Variants in CEP112 observed in about 807,000 individuals in gnomAD.
The protein encoded by CEP112 is centrosomal protein of 112 kDa.
A neutral mutation model predicts 153.0 loss-of-function variants in CEP112; 127 were observed. The observed-to-expected ratio is 0.83, with a 90% CI of 0.72 to 0.96. The LOEUF (loss-of-function observed/expected upper bound fraction) is 0.96. Ranked by LOEUF, CEP112 falls within the 40% of genes least tolerant of loss-of-function variation. The pLI, the probability that CEP112 is intolerant of heterozygous loss-of-function variation, is 0.00. For synonymous variants in CEP112, 358 were observed against 374.4 expected (o/e 0.96, Z 0.51); for missense variants, 1,089 against 1,101.2 (o/e 0.99, Z 0.16).
intron 21 of CEP112, among the ~76,000 whole-genome samples, chr17:65,830,534 C>T (rs940229485): frequency 9.2e-5 from 14 of 152,252 alleles, no homozygotes; most frequent in African/African-American, 2.6e-4. Context: ...GACAAACAGC[C>T]GGCACTGATT....
At chr17:65,995,967 G>C (rs550963069) in intron 17 of CEP112, among the ~76,000 whole-genome samples, 1 of 152,124 alleles carries the variant, frequency 6.6e-6, no homozygotes, top group Non-Finnish European at 1.5e-5. Context: ...GGCCTCCCCA[G>C]CCACATGGAA....
chr17:65,644,422 T>C, intron 24 of CEP112: 2 of 501,928 alleles, frequency 4.0e-6, no homozygotes, highest in South Asian at 1.8e-5. Flanking sequence ...CCTCAAGGCT[T>C]AGCTCGGTTG....
At chr17:66,169,512 C>G (rs1008072125) in intron 4 of CEP112, among the ~76,000 whole-genome samples, 15 of 152,142 alleles carry the variant, frequency 9.9e-5, no homozygotes, top group Admixed American at 9.8e-4. Flanking sequence ...TATCGAACTC[C>G]TGACCTTGTG....
intron 8 of CEP112, among the ~76,000 whole-genome samples, chr17:66,091,311 A>G (rs1172672815): frequency 6.6e-6 from 1 of 152,182 alleles, no homozygotes; most frequent in African/African-American, 2.4e-5. Flanking sequence ...AAATCTTCAC[A>G]AATTTAAGAA....
chr17:65,810,572 A>T (rs1015859499), intron 21 of CEP112, among the ~76,000 whole-genome samples: 7 of 152,008 alleles, frequency 4.6e-5, no homozygotes, highest in Admixed American at 3.3e-4. Flanking sequence ...TAAAAACAGC[A>T]CTTTCTTATG....
intron 8 of CEP112, among the ~76,000 whole-genome samples, chr17:66,088,371 C>T (rs2068018608): frequency 6.6e-6 from 1 of 152,172 alleles, no homozygotes; most frequent in Non-Finnish European, 1.5e-5. Flanking sequence ...AGACTATTCA[C>T]AGCACGAGGC....
chr17:65,718,170 C>T (rs887290751), intron 23 of CEP112, among the ~76,000 whole-genome samples: 2 of 152,086 alleles, frequency 1.3e-5, no homozygotes, highest in Non-Finnish European at 2.9e-5. Context: ...TTTTGCGAGG[C>T]TGAGGCAGAT....
At chr17:65,726,395 T>C (rs1959097296) in intron 23 of CEP112, among the ~76,000 whole-genome samples, 1 of 152,124 alleles carries the variant, frequency 6.6e-6, no homozygotes, top group African/African-American at 2.4e-5. Flanking sequence ...TGTAAGGTTC[T>C]TGAGGACTGG....
At chr17:65,771,100 T>TA (rs1163243985) in intron 21 of CEP112, among the ~76,000 whole-genome samples, 5 of 151,902 alleles carry the variant, frequency 3.3e-5, no homozygotes, top group Non-Finnish European at 5.9e-5. Context: ...ACTGTGTTTT[T>TA]AAAAAAAAGT....
Position 65,635,742 on chromosome 17 carries a change from C to A in CEP112, c.*229G>T. 2 of 567,402 alleles carry A rather than the reference C, an allele frequency of 3.5e-6. No individual in the cohort carries two copies. Among genetic ancestry groups the A allele is most frequent in the Non-Finnish European group, 3.1e-6 (1 of 324,214 alleles). The allele number at this position is 567,402 out of a possible 1,614,324, so 35.1% of individuals were successfully genotyped here. The stretch of plus-strand genomic sequence containing the variant: ...TTCTCAGCACATACTCAAATGCACA[C>A]AAACATGAAAATCGGAAATAAAGGA... On this transcript the variant is annotated 3_prime_UTR_variant, in exon 27 of 27. Coordinates refer to ENST00000535342, the MANE Select transcript of CEP112 (RefSeq NM_001199165.4).
intron 4 of CEP112, among the ~76,000 whole-genome samples, chr17:66,155,453 A>G (rs2071397044): frequency 6.6e-6 from 1 of 151,946 alleles, no homozygotes. Context: ...TTCAAGCACA[A>G]AACTGGGTGG....
At chr17:66,174,378 T>G (rs947672914) in intron 4 of CEP112, among the ~76,000 whole-genome samples, 8 of 152,192 alleles carry the variant, frequency 5.3e-5, no homozygotes, top group Non-Finnish European at 8.8e-5. Flanking sequence ...AAGATTATAC[T>G]GTTAACAGAA....
chr17:65,776,020 G>GCTAAT (rs2053655111), intron 21 of CEP112, among the ~76,000 whole-genome samples: 1 of 152,210 alleles, frequency 6.6e-6, no homozygotes, highest in East Asian at 1.9e-4. Flanking sequence ...CGAAAAGCCA[G>GCTAAT]CTAATCAGAG....
At chr17:65,811,141 G>A (rs2055924250) in intron 21 of CEP112, among the ~76,000 whole-genome samples, 1 of 152,176 alleles carries the variant, frequency 6.6e-6, no homozygotes, top group African/African-American at 2.4e-5. Flanking sequence ...GTCTTCTCTT[G>A]AACCATGGTC....
chr17:65,669,678 T>C (rs554916155), intron 24 of CEP112, among the ~76,000 whole-genome samples: 10 of 152,040 alleles, frequency 6.6e-5, no homozygotes, highest in East Asian at 1.9e-4. Context: ...CCAAGGCGGG[T>C]GGATCACGAG....
chr17:66,099,859 C>A (rs189632687), intron 6 of CEP112, among the ~76,000 whole-genome samples: 1 of 152,174 alleles, frequency 6.6e-6, no homozygotes, highest in South Asian at 2.1e-4. Flanking sequence ...TATCTCCCCA[C>A]TCTCATACAC....
chr17:65,817,165 T>C (rs1459382420), intron 21 of CEP112, among the ~76,000 whole-genome samples: 3 of 151,966 alleles, frequency 2.0e-5, no homozygotes, highest in African/African-American at 7.2e-5. Flanking sequence ...ACAAAATTAA[T>C]TTTAAATGAA....
intron 18 of CEP112, among the ~76,000 whole-genome samples, chr17:65,951,823 G>T (rs2061847331): frequency 6.9e-6 from 1 of 144,108 alleles, no homozygotes; most frequent in South Asian, 2.2e-4. Flanking sequence ...TTAGGTTACT[G>T]ATTTGAGAAT....
chr17:65,958,188 T>G (rs2062064387), intron 18 of CEP112, among the ~76,000 whole-genome samples: 1 of 152,216 alleles, frequency 6.6e-6, no homozygotes, highest in South Asian at 2.1e-4. Context: ...CATTTCTGGA[T>G]TGGTTCATGT....
Sources: gnomAD v4.1 joint callset for allele counts (sites outside exome capture counted in the v4.1 genomes callset) on GRCh38, gnomAD v4.1.1 for gene constraint, MANE v1.5 for transcripts, NCBI Gene and HGNC (gene_info 2026-07-23, HGNC 2026-07-21) for gene names.